Variants in NFATC1 observed in about 807,000 individuals in gnomAD.
NFATC1 encodes the protein nuclear factor of activated T cells 1.
Under a neutral mutation model 76.0 loss-of-function variants are expected in NFATC1, and 22 were observed. That is an observed-to-expected ratio of 0.29 (90% CI 0.21 to 0.41). NFATC1 has a LOEUF of 0.41. Among genes scored for constraint, NFATC1 ranks in the 10% least tolerant of loss-of-function variants. NFATC1 has a pLI of 1.00. For synonymous variants in NFATC1, 704 were observed against 613.1 expected, an observed-to-expected ratio of 1.15 and a Z score of -2.19; for missense variants, 1,357 against 1,337.7, an observed-to-expected ratio of 1.01 and a Z score of -0.23.
chr18:79,400,374 GC>G lies in NFATC1; in HGVS notation c.127+4027del, dbSNP rs1450373236. The G allele has an allele frequency of 2.0e-6, 3 of 1,474,756 alleles. No individual in the cohort carries two copies. In the African/African-American group the frequency reaches 4.5e-5, roughly 22 times the overall value. 91.4% of individuals were successfully genotyped at this position (1,474,756 alleles called of 1,614,324 possible). A position where few individuals can be genotyped will look rare whatever the true frequency, so the allele number is the denominator to read the frequency against. The stretch of plus-strand genomic sequence containing the variant: ...GGCCGCGACCCCGGCTCCCGCCCCG[GC>G]CCCGGCCCGACCCGCCATGACGGGG... On this transcript the variant is annotated intron_variant, in intron 1 of 9. Coordinates refer to ENST00000427363, the MANE Select transcript of NFATC1 (RefSeq NM_001278669.2).
At chr18:79,401,084 C>T (rs2085230807) in intron 1 of NFATC1, among the ~76,000 whole-genome samples, 1 of 148,390 alleles carries the variant, frequency 6.7e-6, no homozygotes, top group African/African-American at 2.5e-5. Context: ...ATAAGGGTTT[C>T]AGGTAAACAA....
intron 8 of NFATC1, chr18:79,468,372 T>G: frequency 6.6e-6 from 1 of 151,878 alleles, no homozygotes; most frequent in South Asian, 2.1e-4. Context: ...ATCCTGAATT[T>G]TACTGTATTT....
chr18:79,470,930 A>C (rs2088761465), intron 8 of NFATC1: 3 of 152,214 alleles, frequency 2.0e-5, no homozygotes, highest in Admixed American at 1.3e-4. Context: ...GGCAGGCATT[A>C]AATGGGGAGA....
chr18:79,457,197 G>A (rs533403334), intron 6 of NFATC1, among the ~76,000 whole-genome samples: 1 of 152,132 alleles, frequency 6.6e-6, no homozygotes, highest in Non-Finnish European at 1.5e-5. Flanking sequence ...TTCTCTGTTT[G>A]CTCCCAGAGA....
At chr18:79,458,771 G>A (rs1196831772) in intron 6 of NFATC1, among the ~76,000 whole-genome samples, 1 of 152,226 alleles carries the variant, frequency 6.6e-6, no homozygotes, top group South Asian at 2.1e-4. Flanking sequence ...CCACGGAGCT[G>A]GGAGCCGCCA....
At chr18:79,471,096 A>T (rs1481978358) in intron 8 of NFATC1, among the ~76,000 whole-genome samples, 1 of 152,122 alleles carries the variant, frequency 6.6e-6, no homozygotes, top group Non-Finnish European at 1.5e-5. Context: ...GCCCACAGAG[A>T]GGCTTCCTGA....
intron 9 of NFATC1, among the ~76,000 whole-genome samples, chr18:79,523,691 A>G (rs2090674001): frequency 6.6e-6 from 1 of 152,202 alleles, no homozygotes; most frequent in Non-Finnish European, 1.5e-5. Context: ...GGGTGTGTGG[A>G]TGTGGCCTCG....
chr18:79,470,064 T>C, intron 8 of NFATC1: 1 of 959,258 alleles, frequency 1.0e-6, no homozygotes, highest in Non-Finnish European at 1.2e-6. Flanking sequence ...TTCCTGCCTC[T>C]GCAACCCCGG....
Position 79,527,796 on chromosome 18 carries a change from C to G in NFATC1, c.*219C>G. The G allele has an allele frequency of 3.4e-6, 2 of 585,260 alleles. No homozygotes were observed. Among genetic ancestry groups the G allele is most frequent in the South Asian group, 2.3e-5 (1 of 44,420 alleles). 36.3% of individuals were successfully genotyped at this position (585,260 alleles called of 1,614,324 possible). On this transcript the variant is annotated 3_prime_UTR_variant, in exon 10 of 10. Transcript: ENST00000427363. Reference sequence around the variant, plus strand: ...GTGTCACCTGGAGGAGAAGTCATCTCATGACAACAGAAGGGAGGTGGCCGG... The same window carrying G: ...GTGTCACCTGGAGGAGAAGTCATCTGATGACAACAGAAGGGAGGTGGCCGG...
intron 9 of NFATC1, chr18:79,497,226 A>C (rs1324935326): frequency 6.6e-6 from 1 of 152,260 alleles, no homozygotes; most frequent in Non-Finnish European, 1.5e-5. Flanking sequence ...TCTCCCCCAA[A>C]GCAACAAAAA....
At chr18:79,502,169 C>T (rs756331320) in intron 9 of NFATC1, among the ~76,000 whole-genome samples, 4 of 152,156 alleles carry the variant, frequency 2.6e-5, no homozygotes, top group South Asian at 2.1e-4. Flanking sequence ...AGATCAGTGG[C>T]GCAGAATTAA....
chr18:79,441,780 C>T (rs1017106230), intron 3 of NFATC1, among the ~76,000 whole-genome samples: 3 of 152,052 alleles, frequency 2.0e-5, no homozygotes, highest in East Asian at 1.9e-4. Context: ...CCTGGGGTCA[C>T]GGGGTTGCGG....
chr18:79,520,787 G>GTA (rs1491493622), intron 9 of NFATC1, among the ~76,000 whole-genome samples: 1 of 78,204 alleles, frequency 1.3e-5, no homozygotes, highest in African/African-American at 5.4e-5. Flanking sequence ...GTGTGTGTGT[G>GTA]GGGGGGCATC....
chr18:79,410,223 G>C lies in NFATC1; in HGVS notation c.128-180G>C. ...AGCCTTGTTGGCCAGGTGGGACTGG[G>C]GCTGTCACTCCAAGTCGCCCGGAGC... On this transcript the variant is annotated intron_variant, in intron 1 of 9. Coordinates refer to ENST00000427363, the MANE Select transcript of NFATC1 (RefSeq NM_001278669.2). The surrounding 1 kb of genome is among the most constrained non-coding windows in gnomAD (Gnocchi z 6.7). The C allele has an allele frequency of 1.0e-6, 1 of 978,598 alleles. No homozygotes were observed. The highest frequency in any genetic ancestry group is 1.6e-5 in the African/African-American group (1 of 62,062). 60.6% of individuals were successfully genotyped at this position (978,598 alleles called of 1,614,324 possible).
intron 8 of NFATC1, chr18:79,469,340 C>T (rs1178920515): frequency 9.1e-6 from 9 of 985,348 alleles, no homozygotes; most frequent in Middle Eastern, 5.2e-4. Context: ...CAGTCCCCAC[C>T]GTGGGTTTGA....
At chr18:79,477,801 C>T (rs1357577018) in intron 8 of NFATC1, among the ~76,000 whole-genome samples, 1 of 152,166 alleles carries the variant, frequency 6.6e-6, no homozygotes. Context: ...CTGGTGAGGA[C>T]CATTCCAAGT....
intron 3 of NFATC1, among the ~76,000 whole-genome samples, chr18:79,445,501 G>A (rs573313593): frequency 6.6e-6 from 1 of 152,262 alleles, no homozygotes; most frequent in Non-Finnish European, 1.5e-5. Flanking sequence ...ACCTCTGGCT[G>A]CTGTTGTGGG....
chr18:79,426,005 A>AG (rs2144609786), intron 2 of NFATC1, among the ~76,000 whole-genome samples: 1 of 152,238 alleles, frequency 6.6e-6, no homozygotes, highest in African/African-American at 2.4e-5. Context: ...GGAGCCCAGG[A>AG]GTTTGAGACC....
intron 3 of NFATC1, among the ~76,000 whole-genome samples, chr18:79,446,269 A>T (rs2087201863): frequency 6.6e-6 from 1 of 152,196 alleles, no homozygotes; most frequent in South Asian, 2.1e-4. Context: ...TTTAAAGGAT[A>T]CAGTCATACC....
Sources: gnomAD v4.1 joint callset for allele counts (sites outside exome capture counted in the v4.1 genomes callset) on GRCh38, gnomAD v4.1.1 for gene constraint, Gnocchi (gnomAD v3.1) non-coding constraint, MANE v1.5 for transcripts, NCBI Gene and HGNC (gene_info 2026-07-23, HGNC 2026-07-21) for gene names.